Variants in NPAS3 observed in about 807,000 individuals in gnomAD.
NPAS3 encodes neuronal PAS domain-containing protein 3.
In NPAS3, 14 loss-of-function variants were observed where a neutral mutation model predicts 73.1. The observed-to-expected ratio is 0.19, with a 90% CI of 0.13 to 0.30. The LOEUF (loss-of-function observed/expected upper bound fraction) is 0.30, where lower values mean the gene tolerates loss of function less well. Among genes scored for constraint, NPAS3 ranks in the 10% least tolerant of loss-of-function variants. NPAS3 has a pLI of 1.00. For synonymous variants in NPAS3, 620 were observed against 541.5 expected, an observed-to-expected ratio of 1.14 and a Z score of -2.01; for missense variants, 1,096 against 1,250.0, an observed-to-expected ratio of 0.88 and a Z score of 1.86.
intron 5 of NPAS3, among the ~76,000 whole-genome samples, chr14:33,632,439 A>G (rs540578536): frequency 1.3e-5 from 2 of 152,324 alleles, no homozygotes; most frequent in African/African-American, 4.8e-5. Context: ...ACAGACACTC[A>G]GAGCACACTG....
At chr14:33,203,828 G>A (rs1427757126) in intron 2 of NPAS3, among the ~76,000 whole-genome samples, 1 of 152,086 alleles carries the variant, frequency 6.6e-6, no homozygotes, top group African/African-American at 2.4e-5. Context: ...AATCCTTTGG[G>A]TATATAACCA....
At chr14:33,564,256 G>T (rs2055810056) in intron 5 of NPAS3, among the ~76,000 whole-genome samples, 1 of 152,074 alleles carries the variant, frequency 6.6e-6, no homozygotes, top group African/African-American at 2.4e-5. Flanking sequence ...AAGCAAAAAG[G>T]GAAATCCAGT....
intron 2 of NPAS3, among the ~76,000 whole-genome samples, chr14:33,120,665 TG>T (rs1213777119): frequency 6.6e-6 from 1 of 152,088 alleles, no homozygotes; most frequent in Non-Finnish European, 1.5e-5. Flanking sequence ...TTATTAGAAA[TG>T]TATAATCTCA....
intron 4 of NPAS3, among the ~76,000 whole-genome samples, chr14:33,535,816 T>C (rs540836348): frequency 2.0e-4 from 31 of 152,326 alleles, no homozygotes; most frequent in Non-Finnish European, 4.0e-4. Context: ...TAGTAAATAT[T>C]TTATTCACAA....
intron 8 of NPAS3, among the ~76,000 whole-genome samples, chr14:33,777,161 AG>A (rs2062846004): frequency 6.6e-6 from 1 of 152,194 alleles, no homozygotes; most frequent in African/African-American, 2.4e-5. Context: ...AACACCAGTG[AG>A]GGAGGGTCTT....
chr14:33,166,877 C>T (rs1265900182), intron 2 of NPAS3, among the ~76,000 whole-genome samples: 8 of 152,120 alleles, frequency 5.3e-5, no homozygotes, highest in East Asian at 1.9e-4. Flanking sequence ...AAGGTTAAAG[C>T]GAATGCTTTT....
chr14:33,784,428 A>C (rs2063079187), intron 9 of NPAS3, among the ~76,000 whole-genome samples: 1 of 152,178 alleles, frequency 6.6e-6, no homozygotes, highest in African/African-American at 2.4e-5. Context: ...AAACACAGAA[A>C]CCCCAGAGGT....
In NPAS3 at chr14:33,342,948, C is replaced by T. The variant is rs1281111154; in HGVS notation, c.386-24238C>T. Among the ~76,000 whole-genome samples, 6 of 152,206 alleles carry T rather than the reference C, an allele frequency of 3.9e-5. No homozygotes were observed. In the East Asian group the frequency reaches 5.8e-4, roughly 15 times the overall value. On this transcript the variant is annotated intron_variant, in intron 3 of 11. Coordinates refer to ENST00000356141, the Ensembl canonical transcript of NPAS3. ...CATTATTACTAGTATCTGAGTGTCA[C>T]GAGGCATTGGCTGTCCAAGCTCAAT...
At chr14:33,252,142 T>C (rs900515874) in intron 3 of NPAS3, among the ~76,000 whole-genome samples, 19 of 151,506 alleles carry the variant, frequency 1.3e-4, no homozygotes, top group African/African-American at 4.1e-4. Context: ...TAAAAACTCA[T>C]GACGAGCTAT....
At chr14:33,327,208 C>T (rs2043747968) in intron 3 of NPAS3, among the ~76,000 whole-genome samples, 1 of 152,190 alleles carries the variant, frequency 6.6e-6, no homozygotes, top group Non-Finnish European at 1.5e-5. Flanking sequence ...TACCTTTCCT[C>T]ATTCAATGTT....
intron 5 of NPAS3, among the ~76,000 whole-genome samples, chr14:33,563,880 A>G (rs1212761890): frequency 6.6e-6 from 1 of 152,216 alleles, no homozygotes; most frequent in Non-Finnish European, 1.5e-5. Flanking sequence ...GCAATGATAT[A>G]TAGCCAGCGT....
chr14:33,150,911 T>C (rs1210562727), intron 2 of NPAS3, among the ~76,000 whole-genome samples: 1 of 152,218 alleles, frequency 6.6e-6, no homozygotes, highest in African/African-American at 2.4e-5. Context: ...CACAACCAGA[T>C]AGGATTTCAC....
At chr14:33,253,583 A>G (rs1448119073) in intron 3 of NPAS3, among the ~76,000 whole-genome samples, 1 of 152,086 alleles carries the variant, frequency 6.6e-6, no homozygotes, top group Non-Finnish European at 1.5e-5. Context: ...TATTTTTGGT[A>G]CTTTTCTCTC....
At chr14:33,635,444 A>G (rs910616207) in intron 5 of NPAS3, among the ~76,000 whole-genome samples, 4 of 152,332 alleles carry the variant, frequency 2.6e-5, no homozygotes, top group South Asian at 2.1e-4. Flanking sequence ...ATTTTAGACT[A>G]GAAGAGAGGT....
chr14:33,800,381 C>T lies in NPAS3; in HGVS notation c.2074C>T (p.Pro692Ser), dbSNP rs779790207. 2 of 1,607,908 alleles carry T rather than the reference C, an allele frequency of 1.2e-6. No individual in the cohort carries two copies. Among genetic ancestry groups the T allele is most frequent in the Admixed American group, 3.4e-5 (2 of 59,122 alleles). The change falls in exon 12 of 12, where the codon CCG becomes TCG. Residue 692 changes from proline (P) to serine (S), a missense_variant. By Grantham distance (74) the Pro-to-Ser change is moderately conservative. Transcript: ENST00000356141. This position sits in a 1 kb window ranked among gnomAD's most constrained non-coding sequence, Gnocchi z 6.5. ...CAAGCCCCCCAGCTCTGAGCACTTC[C>T]CGTCCCCGCAGGGCGGCGGCGGTGG...
intron 4 of NPAS3, among the ~76,000 whole-genome samples, chr14:33,535,043 AAAAGAACTAAAAGTC>A (rs2054201362): frequency 6.6e-6 from 1 of 152,206 alleles, no homozygotes; most frequent in African/African-American, 2.4e-5. Context: ...AAAGATTTTG[AAAAGAACTAAAAGTC>A]AAAGCAAAAT....
intron 1 of NPAS3, among the ~76,000 whole-genome samples, chr14:33,001,430 G>GT (rs1158013933): frequency 1.3e-5 from 2 of 152,128 alleles, no homozygotes; most frequent in Admixed American, 6.5e-5. Flanking sequence ...TTTTTTGCTA[G>GT]TATCTTATGA....
chr14:33,317,919 A>G (rs2043275240), intron 3 of NPAS3, among the ~76,000 whole-genome samples: 1 of 152,072 alleles, frequency 6.6e-6, no homozygotes, highest in South Asian at 2.1e-4. Context: ...TAAATCATGC[A>G]TGTTGAAGTG....
chr14:33,016,273 C>G (rs1182776224), intron 1 of NPAS3, among the ~76,000 whole-genome samples: 1 of 152,016 alleles, frequency 6.6e-6, no homozygotes, highest in Admixed American at 6.6e-5. Flanking sequence ...AATTTTTGCC[C>G]CGCTTAATAC....
Sources: allele counts gnomAD v4.1 joint callset (sites outside exome capture counted in the v4.1 genomes callset), GRCh38; gene constraint gnomAD v4.1.1; non-coding constraint Gnocchi (gnomAD v3.1); transcripts MANE v1.5; gene names NCBI Gene and HGNC (gene_info 2026-07-23, HGNC 2026-07-21).